Variants in MDGA2 observed in about 807,000 individuals in gnomAD.
The protein encoded by MDGA2 is MAM domain containing glycosylphosphatidylinositol anchor 2, also known as MAM domain-containing glycosylphosphatidylinositol anchor protein 2.
Under a neutral mutation model 117.8 loss-of-function variants are expected in MDGA2, and 40 were observed. That is an observed-to-expected ratio of 0.34 (90% CI 0.26 to 0.44). The LOEUF (loss-of-function observed/expected upper bound fraction) is 0.44. Ranked by LOEUF, MDGA2 falls within the 20% of genes least tolerant of loss-of-function variation. MDGA2 has a pLI of 1.00. For synonymous variants in MDGA2, 452 were observed against 439.0 expected (o/e 1.03, Z -0.37); for missense variants, 1,123 against 1,250.6 (o/e 0.90, Z 1.54).
chr14:47,200,770 C>T (rs763149221), intron 3 of MDGA2: 6 of 839,684 alleles, frequency 7.1e-6, no homozygotes, highest in Admixed American at 5.8e-5. Flanking sequence ...GAGCCAGGCG[C>T]CCCAGTTAGG....
At chr14:46,930,114 G>GA (rs35314428) in intron 9 of MDGA2, among the ~76,000 whole-genome samples, 74,299 of 150,450 alleles carry the variant, frequency 0.49, 18,473 homozygotes, top group South Asian at 0.58. Context: ...ACCCAAAGAA[G>GA]AAAAAAAAAC....
intron 3 of MDGA2, among the ~76,000 whole-genome samples, chr14:47,191,129 T>A (rs1885094008): frequency 6.6e-6 from 1 of 152,054 alleles, no homozygotes; most frequent in South Asian, 2.1e-4. Context: ...CTCTAACATA[T>A]ATATACATAT....
intron 1 of MDGA2, among the ~76,000 whole-genome samples, chr14:47,364,476 G>T (rs1281793788): frequency 1.3e-5 from 2 of 152,098 alleles, no homozygotes; most frequent in East Asian, 3.9e-4. Flanking sequence ...GTGTTAGCCA[G>T]AATGGTCTCG....
chr14:47,035,323 A>G lies in MDGA2; in HGVS notation c.1526-19T>C. ...GGTGGAACTTGAAATGGGAAAAAGA[A>G]AATTTTTCAAGGTTAGTATAAACTG... is the stretch of plus-strand genomic sequence containing the variant. On this transcript the variant is annotated intron_variant, in intron 7 of 16. Coordinates refer to ENST00000399232, the MANE Select transcript of MDGA2 (RefSeq NM_001113498.3). 6.3e-7 allele frequency: 1 copy of G among 1,593,298 alleles called. No homozygotes were observed. The highest frequency in any genetic ancestry group is 8.5e-7 in the Non-Finnish European group (1 of 1,169,880).
At chr14:47,250,970 C>T (rs1887426326) in intron 2 of MDGA2, among the ~76,000 whole-genome samples, 1 of 152,182 alleles carries the variant, frequency 6.6e-6, no homozygotes, top group Non-Finnish European at 1.5e-5. Context: ...ATATCAGTCA[C>T]TTCTTACTGG....
intron 1 of MDGA2, among the ~76,000 whole-genome samples, chr14:47,453,155 T>G (rs1164448864): frequency 6.6e-6 from 1 of 152,032 alleles, no homozygotes; most frequent in Non-Finnish European, 1.5e-5. Flanking sequence ...AATATATACA[T>G]TTATAGAAAT....
intron 8 of MDGA2, among the ~76,000 whole-genome samples, chr14:47,030,593 T>G (rs1444642525): frequency 6.6e-6 from 1 of 152,152 alleles, no homozygotes; most frequent in Non-Finnish European, 1.5e-5. Context: ...TTAAATACTA[T>G]GAATAAATTA....
intron 1 of MDGA2, among the ~76,000 whole-genome samples, chr14:47,414,828 ATATT>A (rs1253001127): frequency 1.3e-5 from 2 of 152,192 alleles, no homozygotes; most frequent in African/African-American, 4.8e-5. Context: ...AATAAAACAG[ATATT>A]TAAAGAAAGA....
At chr14:47,235,588 G>C (rs1182135928) in intron 2 of MDGA2, among the ~76,000 whole-genome samples, 1 of 152,120 alleles carries the variant, frequency 6.6e-6, no homozygotes, top group Non-Finnish European at 1.5e-5. Context: ...TCTTTGAGAG[G>C]TGCAAGCTCA....
intron 1 of MDGA2, among the ~76,000 whole-genome samples, chr14:47,531,104 G>T (rs1277548628): frequency 6.6e-6 from 1 of 152,108 alleles, no homozygotes; most frequent in Non-Finnish European, 1.5e-5. Context: ...AGTTAGCCAG[G>T]CGTGGTGGTG....
chr14:47,061,631 A>G, intron 6 of MDGA2, 53 bp from the exon 7 acceptor site: 2 of 1,389,068 alleles, frequency 1.4e-6, no homozygotes, highest in Non-Finnish European at 2.0e-6. Context: ...AACTTTAAGG[A>G]TTCATTAACT....
At chr14:46,944,565 G>C (rs1317696097) in intron 9 of MDGA2, among the ~76,000 whole-genome samples, 1 of 151,878 alleles carries the variant, frequency 6.6e-6, no homozygotes. Context: ...AGAACTTCAA[G>C]TGCACCTGTT....
At chr14:47,176,688 C>T (rs1259283220) in intron 3 of MDGA2, among the ~76,000 whole-genome samples, 1 of 152,032 alleles carries the variant, frequency 6.6e-6, no homozygotes, top group Non-Finnish European at 1.5e-5. Context: ...GACCTAAAAC[C>T]ATAAAAACCC....
chr14:46,962,319 C>A lies in MDGA2; in HGVS notation c.1820-4676G>T, dbSNP rs933283013. 4.6e-5 allele frequency among the ~76,000 whole-genome samples: 7 copies of A among 152,162 alleles called. No homozygotes were observed. In the East Asian group the frequency reaches 1.4e-3, roughly 29 times the overall value. ...TCATTTCAAAGTCACACATTTCCTG[C>A]ACTCCCTTGGGAGTGGGAATGTGTA... is the stretch of plus-strand genomic sequence containing the variant. On this transcript the variant is annotated intron_variant, in intron 8 of 16. Transcript: ENST00000399232.
rs867546275 is a variant in MDGA2 at position 47,011,275 on chromosome 14, T to C, written c.1819+23736A>G. 1.1e-4 allele frequency among the ~76,000 whole-genome samples: 16 copies of C among 152,160 alleles called. No homozygotes were observed. The South Asian group carries it at 1.7e-3, about 16-fold the overall frequency. On this transcript the variant is annotated intron_variant, in intron 8 of 16. Coordinates refer to ENST00000399232, the MANE Select transcript of MDGA2 (RefSeq NM_001113498.3). ...GACCTTGGAATAACATTGTTCTTAC[T>C]ACAATTCATGAACATTACATAAATC...
Position 47,674,808 on chromosome 14 carries a change from C to A in MDGA2, c.-12G>T. On this transcript the variant is annotated 5_prime_UTR_variant, in exon 1 of 17. Transcript: ENST00000399232. ...CTCCACACACTCATGCACACACACACTCACACACACTCACACACTCTCCCA... is the reference window on the plus strand; with the variant it reads ...CTCCACACACTCATGCACACACACAATCACACACACTCACACACTCTCCCA... 1 of 644,628 alleles carries A rather than the reference C, an allele frequency of 1.6e-6. No homozygotes were observed. Among genetic ancestry groups the A allele is most frequent in the Non-Finnish European group, 2.8e-6 (1 of 361,436 alleles). The allele number at this position is 644,628 out of a possible 1,614,324, so 39.9% of individuals were successfully genotyped here. A position where few individuals can be genotyped will look rare whatever the true frequency, so the allele number is the denominator to read the frequency against.
At position 47,341,938 on chromosome 14, in the gene MDGA2, C is replaced by G. The variant is rs1890636735; in HGVS notation, c.281-40388G>C. On this transcript the variant is annotated intron_variant, in intron 1 of 16. Coordinates refer to ENST00000399232, the MANE Select transcript of MDGA2 (RefSeq NM_001113498.3). ...ACTGAAACCTCTGACCTCCCGGGTT[C>G]AGGCAATTCTCCTGCCTCAGCCTCC... Among the ~76,000 whole-genome samples the G allele has an allele frequency of 2.6e-5, 4 of 152,054 alleles. No individual in the cohort carries two copies. In the South Asian group the frequency reaches 8.3e-4, roughly 31 times the overall value.
intron 6 of MDGA2, among the ~76,000 whole-genome samples, chr14:47,075,670 C>A (rs1890463741): frequency 6.6e-6 from 1 of 152,078 alleles, no homozygotes; most frequent in African/African-American, 2.4e-5. Flanking sequence ...ACTCATAAAA[C>A]ATTTATACAC....
chr14:47,041,034 CATGT>C (rs1889047566), intron 7 of MDGA2, among the ~76,000 whole-genome samples: 1 of 152,084 alleles, frequency 6.6e-6, no homozygotes, highest in South Asian at 2.1e-4. Flanking sequence ...CAATATGAAT[CATGT>C]ATATTTTGGA....
Sources: gnomAD v4.1 joint callset for allele counts (sites outside exome capture counted in the v4.1 genomes callset) on GRCh38, gnomAD v4.1.1 for gene constraint, MANE v1.5 for transcripts, NCBI Gene and HGNC (gene_info 2026-07-23, HGNC 2026-07-21) for gene names.